The following GRID2 variants were observed in gnomAD, a reference collection of about 807,000 sequenced individuals.
GRID2 encodes glutamate ionotropic receptor delta type subunit 2, also known as glutamate receptor ionotropic, delta-2.
A neutral mutation model predicts 114.8 loss-of-function variants in GRID2; 33 were observed. The ratio of observed to expected loss-of-function variants is 0.29; its 90% CI spans 0.22 to 0.38. The LOEUF is 0.38. Among genes scored for constraint, GRID2 ranks in the 10% least tolerant of loss-of-function variants. GRID2 has a pLI of 1.00. For missense variants in GRID2, 1,184 were observed against 1,257.7 expected, an observed-to-expected ratio of 0.94 and a Z score of 0.89; for synonymous variants, 505 against 449.9, an observed-to-expected ratio of 1.12 and a Z score of -1.55.
At chr4:93,554,079 T>G (rs1048492880) in intron 13 of GRID2, among the ~76,000 whole-genome samples, 2 of 152,308 alleles carry the variant, frequency 1.3e-5, no homozygotes, top group East Asian at 3.9e-4. Flanking sequence ...AGTAGTGAGA[T>G]TCAGTCTCAC....
chr4:93,519,151 C>G (rs1166865197), intron 13 of GRID2, among the ~76,000 whole-genome samples: 6 of 152,124 alleles, frequency 3.9e-5, no homozygotes, highest in Non-Finnish European at 8.8e-5. Flanking sequence ...CACAGGCTGT[C>G]TAGAACATCC....
At chr4:92,715,459 C>A (rs1735493886) in intron 2 of GRID2, among the ~76,000 whole-genome samples, 1 of 152,098 alleles carries the variant, frequency 6.6e-6, no homozygotes, top group African/African-American at 2.4e-5. Flanking sequence ...GTCTTTTCAG[C>A]AGCACCCCAC....
At chr4:93,208,834 A>C (rs951771069) in intron 5 of GRID2, among the ~76,000 whole-genome samples, 1 of 151,952 alleles carries the variant, frequency 6.6e-6, no homozygotes, top group Non-Finnish European at 1.5e-5. Context: ...GCTTTTCAAT[A>C]AAGTTCTGGT....
chr4:92,929,560 G>T (rs1300825088), intron 2 of GRID2, among the ~76,000 whole-genome samples: 2 of 151,322 alleles, frequency 1.3e-5, no homozygotes, highest in Non-Finnish European at 3.0e-5. Flanking sequence ...AGAGTTGGCT[G>T]TCTGATAATA....
intron 7 of GRID2, among the ~76,000 whole-genome samples, chr4:93,234,328 A>G (rs1391268548): frequency 6.6e-6 from 1 of 152,026 alleles, no homozygotes; most frequent in Non-Finnish European, 1.5e-5. Flanking sequence ...TCTATATATA[A>G]TATGTTATAT....
Position 93,600,760 on chromosome 4 carries a change from T to C in GRID2, c.2194-25509T>C, listed in dbSNP as rs541403223. Among the ~76,000 whole-genome samples, 175 of 152,312 alleles carry C rather than the reference T, an allele frequency of 1.1e-3. 1 individual carries two copies. Among genetic ancestry groups the C allele is most frequent in the African/African-American group, 4.1e-3 (169 of 41,582 alleles). On this transcript the variant is annotated intron_variant, in intron 13 of 15. Transcript: ENST00000282020. Reference sequence around the variant, plus strand: ...AACTTCCATCCATAAAAGACTCATATTGGAAGCAACCCAAACGTCCAACAA... The same window carrying C: ...AACTTCCATCCATAAAAGACTCATACTGGAAGCAACCCAAACGTCCAACAA...
chr4:92,356,420 T>C lies in GRID2; in HGVS notation c.88+51676T>C, dbSNP rs1053018787. On this transcript the variant is annotated intron_variant, in intron 1 of 15. Transcript: ENST00000282020. The stretch of plus-strand genomic sequence containing the variant: ...TTAGGAAAACGTTCTATTTTAATGA[T>C]CTCTTTTACTAACTTATGCATTCCT... Among the ~76,000 whole-genome samples the C allele has an allele frequency of 2.0e-5, 3 of 151,564 alleles. No individual in the cohort carries two copies. The Admixed American group carries it at 2.0e-4, about 10-fold the overall frequency.
chr4:92,317,448 T>A (rs1324534258), intron 1 of GRID2, among the ~76,000 whole-genome samples: 1 of 152,216 alleles, frequency 6.6e-6, no homozygotes, highest in Non-Finnish European at 1.5e-5. Context: ...GCAAACTAAC[T>A]GTCCAGTGCT....
chr4:93,536,370 G>T (rs894912863), intron 13 of GRID2, among the ~76,000 whole-genome samples: 12 of 151,836 alleles, frequency 7.9e-5, no homozygotes, highest in Admixed American at 4.6e-4. Context: ...TAGGCTAAAG[G>T]AACAGAATAG....
chr4:92,853,148 T>C (rs1439010387), intron 2 of GRID2, among the ~76,000 whole-genome samples: 1 of 151,944 alleles, frequency 6.6e-6, no homozygotes, highest in African/African-American at 2.4e-5. Flanking sequence ...TATGGACAAG[T>C]TGTTTCAGCT....
chr4:93,258,081 T>A (rs1579451548), intron 8 of GRID2, among the ~76,000 whole-genome samples: 1 of 149,904 alleles, frequency 6.7e-6, no homozygotes, highest in East Asian at 2.0e-4. Context: ...CAACACACAA[T>A]ACTGGTAATA....
chr4:92,821,079 C>T (rs1423387965), intron 2 of GRID2, among the ~76,000 whole-genome samples: 1 of 151,754 alleles, frequency 6.6e-6, no homozygotes, highest in African/African-American at 2.4e-5. Flanking sequence ...TTTAAATAAC[C>T]ATATATATAG....
chr4:93,757,804 A>G (rs1366414393), intron 14 of GRID2, among the ~76,000 whole-genome samples: 2 of 152,222 alleles, frequency 1.3e-5, no homozygotes, highest in African/African-American at 4.8e-5. Flanking sequence ...AAAAAAGGCA[A>G]AAGTTATCTG....
At chr4:93,418,695 A>G (rs1767963583) in intron 9 of GRID2, among the ~76,000 whole-genome samples, 1 of 152,082 alleles carries the variant, frequency 6.6e-6, no homozygotes, top group Non-Finnish European at 1.5e-5. Context: ...TTTTACACTA[A>G]TCTAATATTT....
intron 10 of GRID2, among the ~76,000 whole-genome samples, chr4:93,436,464 G>A (rs1721095650): frequency 6.6e-6 from 1 of 152,062 alleles, no homozygotes; most frequent in Non-Finnish European, 1.5e-5. Flanking sequence ...TGAGAGTAGG[G>A]GTAGCTACAC....
chr4:93,616,949 G>A (rs1399464559), intron 13 of GRID2, among the ~76,000 whole-genome samples: 1 of 150,550 alleles, frequency 6.6e-6, no homozygotes, highest in Non-Finnish European at 1.5e-5. Flanking sequence ...CTAAGATCAT[G>A]CCACTACACT....
At chr4:92,843,663 A>G (rs1181219209) in intron 2 of GRID2, among the ~76,000 whole-genome samples, 1 of 152,126 alleles carries the variant, frequency 6.6e-6, no homozygotes, top group Non-Finnish European at 1.5e-5. Context: ...AATGTATTTC[A>G]GTACTTGGTT....
At chr4:93,376,885 G>A (rs1763432909) in intron 8 of GRID2, among the ~76,000 whole-genome samples, 1 of 152,080 alleles carries the variant, frequency 6.6e-6, no homozygotes, top group Non-Finnish European at 1.5e-5. Flanking sequence ...TTAATACCTG[G>A]GTGATGGGTT....
intron 1 of GRID2, among the ~76,000 whole-genome samples, chr4:92,548,289 T>C (rs1018143236): frequency 3.3e-5 from 5 of 152,210 alleles, no homozygotes; most frequent in South Asian, 2.1e-4. Context: ...GCACTTGCCA[T>C]GTAGCAGGTA....
Sources: gnomAD v4.1 joint callset for allele counts (sites outside exome capture counted in the v4.1 genomes callset) on GRCh38, gnomAD v4.1.1 for gene constraint, MANE v1.5 for transcripts, NCBI Gene and HGNC (gene_info 2026-07-23, HGNC 2026-07-21) for gene names.